The following ITGA9 variants were observed in gnomAD, a reference collection of about 807,000 sequenced individuals.
The protein encoded by ITGA9 is integrin subunit alpha 9.
Under a neutral mutation model 127.8 loss-of-function variants are expected in ITGA9, and 56 were observed. The observed-to-expected ratio is 0.44, with a 90% CI of 0.35 to 0.55. The LOEUF (loss-of-function observed/expected upper bound fraction) is 0.55, where lower values mean the gene tolerates loss of function less well. ITGA9 is among the 20% of genes least tolerant of loss of function. The probability of loss-of-function intolerance (pLI) is 0.00; values close to 1 mark genes in which losing one functional copy is unlikely to be tolerated. For missense variants in ITGA9, 1,196 were observed against 1,347.1 expected, an observed-to-expected ratio of 0.89 and a Z score of 1.76; for synonymous variants, 508 against 514.5, an observed-to-expected ratio of 0.99 and a Z score of 0.17.
Position 37,815,687 on chromosome 3 carries a change from CT to C in ITGA9, c.3010-3203del, listed in dbSNP as rs370296359. Among the ~76,000 whole-genome samples the C allele has an allele frequency of 1.8e-4, 28 of 152,170 alleles. No individual in the cohort carries two copies. The East Asian group carries it at 4.3e-3, about 23-fold the overall frequency. On this transcript the variant is annotated intron_variant, in intron 27 of 27. Transcript: ENST00000264741. ...CTGTTTAAATCTAGAGCCCTATCAGCTGTCTGTCTGATTCATTAAGTCAGCA... is the reference window on the plus strand; with the variant it reads ...CTGTTTAAATCTAGAGCCCTATCAGCGTCTGTCTGATTCATTAAGTCAGCA...
In ITGA9 at chr3:37,606,932, T is replaced by TGTGTGAG. The variant is rs564121584; in HGVS notation, c.1690-22253_1690-22247dup. On this transcript the variant is annotated intron_variant, in intron 15 of 27. Coordinates refer to ENST00000264741, the MANE Select transcript of ITGA9 (RefSeq NM_002207.3). ...AATGGTTTCTTGACACATCTTGGCT[T>TGTGTGAG]GTGTGAGGGGCCATAACAATAGCAG... is the stretch of plus-strand genomic sequence containing the variant. Among the ~76,000 whole-genome samples, 1,432 of 151,622 alleles carry TGTGTGAG rather than the reference T, an allele frequency of 9.4e-3. 22 individuals are homozygous for TGTGTGAG. The highest frequency in any genetic ancestry group is 0.031 in the African/African-American group (1,293 of 41,204).
chr3:37,816,580 G>T (rs1697435967), intron 27 of ITGA9, among the ~76,000 whole-genome samples: 1 of 152,112 alleles, frequency 6.6e-6, no homozygotes, highest in African/African-American at 2.4e-5. Flanking sequence ...CGTTTTTCTG[G>T]CCTTCTGTGG....
chr3:37,631,255 A>G (rs566419775), intron 16 of ITGA9, among the ~76,000 whole-genome samples: 1 of 152,296 alleles, frequency 6.6e-6, no homozygotes, highest in Non-Finnish European at 1.5e-5. Flanking sequence ...CCTGTCCAGC[A>G]TCTTGCTAGC....
At chr3:37,496,378 A>T (rs1261019962) in intron 5 of ITGA9, among the ~76,000 whole-genome samples, 1 of 152,134 alleles carries the variant, frequency 6.6e-6, no homozygotes, top group Non-Finnish European at 1.5e-5. Flanking sequence ...TTGAGGCCGA[A>T]TTTAAAGATT....
chr3:37,648,285 A>C (rs1035637451), intron 16 of ITGA9, among the ~76,000 whole-genome samples: 1 of 152,192 alleles, frequency 6.6e-6, no homozygotes, highest in African/African-American at 2.4e-5. Flanking sequence ...AGTGATGTGG[A>C]TATTTCAGCA....
chr3:37,516,234 A>C (rs1330013412), intron 9 of ITGA9, among the ~76,000 whole-genome samples: 1 of 152,216 alleles, frequency 6.6e-6, no homozygotes, highest in Non-Finnish European at 1.5e-5. Flanking sequence ...GGTTATTCTA[A>C]GTACCAGAGT....
chr3:37,766,415 T>C (rs1481592735), intron 23 of ITGA9, among the ~76,000 whole-genome samples: 1 of 152,236 alleles, frequency 6.6e-6, no homozygotes, highest in Admixed American at 6.5e-5. Context: ...CACTGAGGTT[T>C]CACTTTTCAC....
At chr3:37,615,879 G>A (rs1222005287) in intron 15 of ITGA9, among the ~76,000 whole-genome samples, 3 of 151,632 alleles carry the variant, frequency 2.0e-5, no homozygotes, top group African/African-American at 2.4e-5. Flanking sequence ...TCTTGCTAGC[G>A]GTCTATCAAT....
At chr3:37,742,219 G>A (rs964730401) in intron 21 of ITGA9, among the ~76,000 whole-genome samples, 80 of 152,318 alleles carry the variant, frequency 5.3e-4, no homozygotes, top group Admixed American at 9.1e-4. Context: ...ATTATCACCA[G>A]ATGTGTCTCC....
intron 15 of ITGA9, among the ~76,000 whole-genome samples, chr3:37,548,260 A>G (rs1361040720): frequency 6.6e-6 from 1 of 152,186 alleles, no homozygotes; most frequent in Non-Finnish European, 1.5e-5. Flanking sequence ...CCAACTAAGG[A>G]GAAAGCAGAT....
At chr3:37,721,147 A>C (rs1701186222) in intron 18 of ITGA9, among the ~76,000 whole-genome samples, 1 of 139,664 alleles carries the variant, frequency 7.2e-6, no homozygotes, top group Non-Finnish European at 1.5e-5. Flanking sequence ...TTTAAGAAAA[A>C]ATCTCACTGT....
At chr3:37,618,411 G>A (rs1281009527) in intron 15 of ITGA9, among the ~76,000 whole-genome samples, 1 of 152,214 alleles carries the variant, frequency 6.6e-6, no homozygotes, top group African/African-American at 2.4e-5. Flanking sequence ...CGGGGGCCAG[G>A]GACCCACTTG....
chr3:37,794,122 G>A (rs200881770), intron 26 of ITGA9, among the ~76,000 whole-genome samples: 3 of 152,230 alleles, frequency 2.0e-5, no homozygotes, highest in South Asian at 4.1e-4. Context: ...TTCCTGTGAA[G>A]TGCTAGGCAT....
Position 37,664,778 on chromosome 3 carries a change from G to A in ITGA9, c.1916+10988G>A, listed in dbSNP as rs529297497. Among the ~76,000 whole-genome samples, 492 of 152,026 alleles carry A rather than the reference G, an allele frequency of 3.2e-3. 5 individuals carry two copies. The highest frequency in any genetic ancestry group is 0.011 in the African/African-American group (473 of 41,458). On this transcript the variant is annotated intron_variant, in intron 17 of 27. Transcript: ENST00000264741. ...CCTCAGATTCAATGGTGAGCTTACG[G>A]CTGGCATGCCAGCAGTTTCCTAAAA...
intron 11 of ITGA9, among the ~76,000 whole-genome samples, chr3:37,523,265 G>A (rs935719974): frequency 2.0e-5 from 3 of 152,106 alleles, no homozygotes; most frequent in Non-Finnish European, 2.9e-5. Flanking sequence ...GGTAGTCTAG[G>A]TGGATTTTTT....
chr3:37,488,632 A>G (rs1698635643), intron 4 of ITGA9, among the ~76,000 whole-genome samples: 2 of 151,926 alleles, frequency 1.3e-5, no homozygotes, highest in Non-Finnish European at 1.5e-5. Context: ...CCCTGCCTCT[A>G]CTAAAAAATA....
At chr3:37,787,254 A>G (rs1254933808) in intron 26 of ITGA9, among the ~76,000 whole-genome samples, 1 of 151,658 alleles carries the variant, frequency 6.6e-6, no homozygotes, top group Admixed American at 6.6e-5. Flanking sequence ...AATAGCTAAC[A>G]GGTTTTCTAC....
In ITGA9 at chr3:37,728,531, C is replaced by T. The variant is rs145635495; in HGVS notation, c.2068-4181C>T. On this transcript the variant is annotated intron_variant, in intron 18 of 27. Coordinates refer to ENST00000264741, the MANE Select transcript of ITGA9 (RefSeq NM_002207.3). The stretch of plus-strand genomic sequence containing the variant: ...TTTAAGGTTATGCCCTGGGCATGAT[C>T]TGAAACCAGGAGAACAAAGTGGGTA... Among the ~76,000 whole-genome samples the T allele has an allele frequency of 2.0e-5, 3 of 152,340 alleles. No individual in the cohort carries two copies. In the East Asian group the frequency reaches 5.8e-4, roughly 29 times the overall value.
At position 37,517,540 on chromosome 3, in the gene ITGA9, G is replaced by A; in HGVS notation, c.1072G>A (p.Gly358Ser). The A allele has an allele frequency of 6.3e-7, 1 of 1,599,710 alleles. No individual in the cohort carries two copies. Among genetic ancestry groups the A allele is most frequent in the African/African-American group, 1.3e-5 (1 of 74,862 alleles). The change falls in exon 10 of 28, where the codon GGT (glycine) becomes AGT (serine). Residue 358 changes from glycine to serine, a missense_variant. Gly to Ser is a moderately conservative substitution (Grantham distance 56). Transcript: ENST00000264741. The part of the protein sequence containing the change: ...LEEQLALTGD[G>S]AYNAHFGESI... ...GGAGCAGCTGGCTCTGACTGGGGAT[G>A]GTGCCTACAATGCGCACTTTGGAGA...
Sources: allele counts gnomAD v4.1 joint callset (sites outside exome capture counted in the v4.1 genomes callset), GRCh38; gene constraint gnomAD v4.1.1; transcripts MANE v1.5; gene names NCBI Gene and HGNC (gene_info 2026-07-23, HGNC 2026-07-21).